Variants in UNC13C observed in about 807,000 individuals in gnomAD.
The protein encoded by UNC13C is protein unc-13 homolog C.
Under a neutral mutation model 245.4 loss-of-function variants are expected in UNC13C, and 174 were observed. The observed-to-expected ratio is 0.71, with a 90% CI of 0.63 to 0.80. The LOEUF (loss-of-function observed/expected upper bound fraction) is 0.80, where lower values mean the gene tolerates loss of function less well. Among genes scored for constraint, UNC13C ranks in the 30% least tolerant of loss-of-function variants. The probability of loss-of-function intolerance (pLI) is 0.00; values close to 1 mark genes in which losing one functional copy is unlikely to be tolerated. For missense variants in UNC13C, 2,829 were observed against 2,602.9 expected, an observed-to-expected ratio of 1.09 and a Z score of -1.89; for synonymous variants, 992 against 895.1, an observed-to-expected ratio of 1.11 and a Z score of -1.93.
chr15:53,907,051 A>G, the UNC13C span, among the ~76,000 whole-genome samples: 1 of 152,126 alleles, frequency 6.6e-6, no homozygotes, highest in Non-Finnish European at 1.5e-5. Flanking sequence ...TTGGGTGGGG[A>G]CACAGATCCA....
At chr15:54,363,188 AACCTCTGCCTC>A (rs1165816655) in intron 17 of UNC13C, among the ~76,000 whole-genome samples, 2 of 152,198 alleles carry the variant, frequency 1.3e-5, no homozygotes, top group African/African-American at 2.4e-5. Flanking sequence ...GGCTCACTGC[AACCTCTGCCTC>A]CTGGGTTCAA....
At chr15:54,493,761 A>G (rs1190537456) in intron 19 of UNC13C, among the ~76,000 whole-genome samples, 1 of 152,096 alleles carries the variant, frequency 6.6e-6, no homozygotes, top group Non-Finnish European at 1.5e-5. Context: ...AAAACTGGCC[A>G]AATATTATTA....
intron 2 of UNC13C, among the ~76,000 whole-genome samples, chr15:54,062,651 T>C (rs1897895649): frequency 6.6e-6 from 1 of 152,184 alleles, no homozygotes; most frequent in Non-Finnish European, 1.5e-5. Flanking sequence ...TTGTTGTCCT[T>C]AGACCAGCAG....
Position 54,111,592 on chromosome 15 carries a change from A to G in UNC13C, c.2984-31426A>G, listed in dbSNP as rs184241269. ...AATCGATGGGCAATATGATCACCAC[A>G]AGACCTTTTAGTTCTGAGACACTTT... On this transcript the variant is annotated intron_variant, in intron 2 of 32. Coordinates refer to ENST00000260323, the MANE Select transcript of UNC13C (RefSeq NM_001080534.3). 2.0e-3 allele frequency among the ~76,000 whole-genome samples: 300 copies of G among 152,280 alleles called. 4 individuals carry two copies. The highest frequency in any genetic ancestry group is 6.9e-3 in the African/African-American group (286 of 41,556).
At chr15:54,187,606 A>G (rs753257366) in intron 4 of UNC13C, among the ~76,000 whole-genome samples, 1 of 151,970 alleles carries the variant, frequency 6.6e-6, no homozygotes, top group Non-Finnish European at 1.5e-5. Flanking sequence ...TCTTCACTGA[A>G]TCTCTCAGTC....
chr15:54,004,885 C>T (rs934704727), intron 1 of UNC13C, among the ~76,000 whole-genome samples: 2 of 152,114 alleles, frequency 1.3e-5, no homozygotes, highest in African/African-American at 2.4e-5. Flanking sequence ...GTTGTTTGAG[C>T]TCCTTATATA....
intron 2 of UNC13C, among the ~76,000 whole-genome samples, chr15:54,105,722 G>T (rs371392530): frequency 1.3e-5 from 2 of 152,194 alleles, no homozygotes; most frequent in East Asian, 3.9e-4. Flanking sequence ...TCTGAACTAT[G>T]TCCTAAGGTA....
the UNC13C span, among the ~76,000 whole-genome samples, chr15:53,886,292 G>A: frequency 6.6e-6 from 1 of 152,134 alleles, no homozygotes; most frequent in East Asian, 1.9e-4. Flanking sequence ...GATGAGCTTG[G>A]AACATTTGTA....
At chr15:53,862,801 T>G in the UNC13C span, among the ~76,000 whole-genome samples, 2 of 152,086 alleles carry the variant, frequency 1.3e-5, no homozygotes, top group Non-Finnish European at 2.9e-5. Context: ...AAAGACTCCA[T>G]CTGTAAGTAA....
chr15:54,327,769 CTTTGTTTGCTAA>C (rs1007958974), intron 14 of UNC13C, among the ~76,000 whole-genome samples: 13 of 152,144 alleles, frequency 8.5e-5, no homozygotes, highest in African/African-American at 3.1e-4. Context: ...ATTAGGCCAT[CTTTGTTTGCTAA>C]TTACAGGCAT....
the UNC13C span, among the ~76,000 whole-genome samples, chr15:53,908,592 AACACAAAAC>A: frequency 0.059 from 8,580 of 144,306 alleles, 1,138 homozygotes; most frequent in African/African-American, 0.2. Flanking sequence ...CAAACAAACA[AACACAAAAC>A]ATACAAACCC....
At chr15:54,284,916 G>A (rs74618582) in intron 10 of UNC13C, among the ~76,000 whole-genome samples, 21 of 151,892 alleles carry the variant, frequency 1.4e-4, no homozygotes, top group Admixed American at 2.0e-4. Context: ...CTTTATCTGC[G>A]GAGAAATTAT....
intron 7 of UNC13C, among the ~76,000 whole-genome samples, chr15:54,241,153 G>A (rs764940683): frequency 6.6e-6 from 1 of 152,146 alleles, no homozygotes; most frequent in Non-Finnish European, 1.5e-5. Flanking sequence ...AGGGAGAAAT[G>A]AAAATGACTA....
intron 12 of UNC13C, among the ~76,000 whole-genome samples, chr15:54,299,309 A>G (rs2140944315): frequency 6.6e-6 from 1 of 152,332 alleles, no homozygotes; most frequent in Non-Finnish European, 1.5e-5. Flanking sequence ...AAAGGAATTG[A>G]GAGTAGTAAT....
intron 10 of UNC13C, among the ~76,000 whole-genome samples, chr15:54,276,416 T>C (rs894411772): frequency 1.3e-5 from 2 of 152,100 alleles, no homozygotes; most frequent in African/African-American, 2.4e-5. Flanking sequence ...TGATATAAAA[T>C]TGCTGCTTCT....
chr15:54,139,740 TTATCTAG>T (rs1457332435), intron 2 of UNC13C, among the ~76,000 whole-genome samples: 1 of 152,188 alleles, frequency 6.6e-6, no homozygotes, highest in African/African-American at 2.4e-5. Context: ...AATTTGTCAA[TTATCTAG>T]TAAGTCTAAA....
At chr15:54,512,407 C>G (rs1274196376) in intron 24 of UNC13C, 2 of 455,658 alleles carry the variant, frequency 4.4e-6, no homozygotes, top group South Asian at 1.6e-5. Context: ...TTATCCCTTA[C>G]CTGGCTGTTC....
intron 19 of UNC13C, among the ~76,000 whole-genome samples, chr15:54,459,238 A>T (rs1891703292): frequency 1.3e-5 from 2 of 152,182 alleles, no homozygotes; most frequent in African/African-American, 4.8e-5. Flanking sequence ...TCTGACTTGC[A>T]GTTTTTCTGC....
rs1166697583 is a variant in UNC13C, at chr15:54,546,718, TC to T, written c.5697-3del. ...GTGAATATATATATATATTTTTTTTTCAGATTAAGTCTCTCAGCAAAAATCT... is the reference window on the plus strand; with the variant it reads ...GTGAATATATATATATATTTTTTTTTAGATTAAGTCTCTCAGCAAAAATCT... On this transcript the variant is annotated splice_region_variant and splice_polypyrimidine_tract_variant and intron_variant, in intron 26 of 32. Coordinates refer to ENST00000260323, the MANE Select transcript of UNC13C (RefSeq NM_001080534.3). The T allele has an allele frequency of 2.0e-5, 30 of 1,467,036 alleles. No individual in the cohort carries two copies. The African/African-American group carries it at 3.3e-4, about 16-fold the overall frequency. The allele number at this position is 1,467,036 out of a possible 1,614,324, so 90.9% of individuals were successfully genotyped here.
Sources: allele counts gnomAD v4.1 joint callset (sites outside exome capture counted in the v4.1 genomes callset), GRCh38; gene constraint gnomAD v4.1.1; transcripts MANE v1.5; gene names NCBI Gene and HGNC (gene_info 2026-07-23, HGNC 2026-07-21).